The following FBXO42 variants were observed in gnomAD, a reference collection of about 807,000 sequenced individuals.
FBXO42 encodes the protein F-box protein 42, also known as F-box only protein 42.
Under a neutral mutation model 71.7 loss-of-function variants are expected in FBXO42, and 12 were observed. The ratio of observed to expected loss-of-function variants is 0.17; its 90% CI spans 0.11 to 0.27. The LOEUF (loss-of-function observed/expected upper bound fraction) is 0.27. FBXO42 is among the 10% of genes least tolerant of loss of function. The pLI, the probability that FBXO42 is intolerant of heterozygous loss-of-function variation, is 1.00. For missense variants in FBXO42, 707 were observed against 911.9 expected (o/e 0.78, Z 2.89); for synonymous variants, 325 against 327.5 (o/e 0.99, Z 0.08).
At chr1:16,342,775 G>T (rs998004304) in intron 1 of FBXO42, among the ~76,000 whole-genome samples, 1 of 151,976 alleles carries the variant, frequency 6.6e-6, no homozygotes, top group Non-Finnish European at 1.5e-5. Flanking sequence ...CCTACTGGGT[G>T]GTGTTTAGGT....
chr1:16,350,741 T>A (rs1383218629), intron 1 of FBXO42, among the ~76,000 whole-genome samples: 1 of 3,634 alleles, frequency 2.8e-4, no homozygotes, highest in South Asian at 8.9e-3. Context: ...AGTGAGAAAC[T>A]GCAAAAAAAA....
At chr1:16,286,292 A>G (rs2082020920) in intron 4 of FBXO42, among the ~76,000 whole-genome samples, 1 of 152,194 alleles carries the variant, frequency 6.6e-6, no homozygotes, top group Admixed American at 6.5e-5. Context: ...TGAGTAATTT[A>G]TAAAGGAAAG....
Position 16,274,686 on chromosome 1 carries a change from G to T in FBXO42, c.503-17927C>A, listed in dbSNP as rs907412167. Among the ~76,000 whole-genome samples, 9 of 147,248 alleles carry T rather than the reference G, an allele frequency of 6.1e-5. No homozygotes were observed. The East Asian group carries it at 1.7e-3, about 27-fold the overall frequency. Reference sequence around the variant, plus strand: ...GGCTCACTGCAACCTCCGCCTCCTGGGTTCAAACGATTCTCCTGCCTCAGC... The same window carrying T: ...GGCTCACTGCAACCTCCGCCTCCTGTGTTCAAACGATTCTCCTGCCTCAGC... On this transcript the variant is annotated intron_variant, in intron 4 of 9. Coordinates refer to ENST00000375592, the MANE Select transcript of FBXO42 (RefSeq NM_018994.3).
At chr1:16,270,373 A>G (rs1327089846) in intron 4 of FBXO42, among the ~76,000 whole-genome samples, 2 of 152,190 alleles carry the variant, frequency 1.3e-5, no homozygotes, top group Non-Finnish European at 2.9e-5. Flanking sequence ...TGCTAGATGG[A>G]GTTAGGCAGC....
chr1:16,303,778 C>G (rs6674552), intron 3 of FBXO42, among the ~76,000 whole-genome samples: 28,635 of 151,958 alleles, frequency 0.19, 3,135 homozygotes, highest in Non-Finnish European at 0.24. Flanking sequence ...CGGAGTCTCA[C>G]TCTGTCACCG....
chr1:16,350,757 A>G (rs12240127), intron 1 of FBXO42, among the ~76,000 whole-genome samples: 2,428 of 44,146 alleles, frequency 0.055, 134 homozygotes, highest in Non-Finnish European at 0.076. Context: ...AAAAAAAAAA[A>G]AAAGAAAGAA....
At position 16,250,759 on chromosome 1, in the gene FBXO42, T is replaced by C. The variant is rs777464488; in HGVS notation, c.2065A>G (p.Ile689Val). 6.2e-7 allele frequency: 1 copy of C among 1,614,180 alleles called. No individual in the cohort carries two copies. The highest frequency in any genetic ancestry group is 1.1e-5 in the South Asian group (1 of 91,086). The change falls in exon 10 of 10, where the codon ATC becomes GTC. Residue 689 changes from isoleucine to valine, a missense_variant. This residue lies in a region of FBXO42 where 9 missense variants were observed against 31.8 expected (regional missense o/e 0.28). Coordinates refer to ENST00000375592, the MANE Select transcript of FBXO42 (RefSeq NM_018994.3). This position sits in a 1 kb window ranked among gnomAD's most constrained non-coding sequence, Gnocchi z 4.7. ...TTGTCCATGAGTCCTCCAAATATGA[T>C]GAGTTCACCCCTGCCTTGTACCACG... ...HTVVQGRGEL[I>V]IFGGLMDKKQ...
chr1:16,282,798 T>G (rs1457951469), intron 4 of FBXO42, among the ~76,000 whole-genome samples: 5 of 151,712 alleles, frequency 3.3e-5, no homozygotes, highest in African/African-American at 1.2e-4. Context: ...CTGGCCAACA[T>G]GGTGAAACCC....
chr1:16,336,001 G>A (rs12740441), intron 1 of FBXO42, among the ~76,000 whole-genome samples: 5 of 151,674 alleles, frequency 3.3e-5, no homozygotes, highest in African/African-American at 7.3e-5. Context: ...GCGCAATCTC[G>A]GCTCATTGCA....
At chr1:16,336,498 C>T (rs2082554576) in intron 1 of FBXO42, among the ~76,000 whole-genome samples, 1 of 151,692 alleles carries the variant, frequency 6.6e-6, no homozygotes, top group East Asian at 2.0e-4. Flanking sequence ...GCTGGGATTA[C>T]AGGCAGACAC....
intron 3 of FBXO42, among the ~76,000 whole-genome samples, chr1:16,300,010 C>T (rs1036243977): frequency 1.3e-5 from 2 of 152,104 alleles, no homozygotes; most frequent in African/African-American, 4.8e-5. Flanking sequence ...ATTTAAGACA[C>T]CTATAGATTG....
chr1:16,291,750 T>C (rs188871062), intron 4 of FBXO42, among the ~76,000 whole-genome samples: 347 of 151,482 alleles, frequency 2.3e-3, no homozygotes, highest in African/African-American at 8.0e-3. Context: ...TCACTCACTG[T>C]AGCCTTGAAC....
intron 3 of FBXO42, among the ~76,000 whole-genome samples, chr1:16,295,953 CA>C (rs2082125054): frequency 6.6e-6 from 1 of 152,108 alleles, no homozygotes; most frequent in African/African-American, 2.4e-5. Flanking sequence ...AGAACGGTAA[CA>C]TTTAAAAAAC....
intron 4 of FBXO42, among the ~76,000 whole-genome samples, chr1:16,263,463 T>C (rs1458748667): frequency 3.4e-5 from 5 of 148,914 alleles, no homozygotes; most frequent in Non-Finnish European, 5.9e-5. Flanking sequence ...ACCTACAAAC[T>C]TTCTTTAAAA....
At chr1:16,308,260 C>T (rs140012730) in intron 2 of FBXO42, among the ~76,000 whole-genome samples, 12 of 152,106 alleles carry the variant, frequency 7.9e-5, no homozygotes, top group African/African-American at 1.4e-4. Flanking sequence ...GAATTACAGG[C>T]GTGAGCCACT....
intron 1 of FBXO42, 141 bp from the exon 2 acceptor site, chr1:16,315,576 G>C: frequency 1.4e-6 from 1 of 735,094 alleles, no homozygotes; most frequent in Non-Finnish European, 2.2e-6. Context: ...AATACCACTT[G>C]TGAGCCACCT....
chr1:16,283,082 C>CAGGTGATCTGAATAA, intron 4 of FBXO42, among the ~76,000 whole-genome samples: 1 of 152,144 alleles, frequency 6.6e-6, no homozygotes, highest in East Asian at 1.9e-4. Context: ...GTAAGCTTCT[C>CAGGTGATCTGAATAA]AGGTGATCTG....
At chr1:16,350,757 A>AAAAAAAAAAAAGAAAGAAAGAAAG (rs1553156683) in intron 1 of FBXO42, among the ~76,000 whole-genome samples, 1 of 44,248 alleles carries the variant, frequency 2.3e-5, no homozygotes, top group Non-Finnish European at 4.1e-5. Context: ...AAAAAAAAAA[A>AAAAAAAAAAAAGAAAGAAAGAAAG]AAAGAAAGAA....
At chr1:16,254,500 G>T (rs902452914) in intron 6 of FBXO42, among the ~76,000 whole-genome samples, 3 of 152,206 alleles carry the variant, frequency 2.0e-5, no homozygotes, top group African/African-American at 7.2e-5. Context: ...ACAGACTCCT[G>T]GATGGCAGTC....
Sources: gnomAD v4.1 joint callset for allele counts (sites outside exome capture counted in the v4.1 genomes callset) on GRCh38, gnomAD v4.1.1 for gene constraint, gnomAD v4.1.1 regional missense constraint, Gnocchi (gnomAD v3.1) non-coding constraint, MANE v1.5 for transcripts, NCBI Gene and HGNC (gene_info 2026-07-23, HGNC 2026-07-21) for gene names.